The following RIT2 variants were observed in gnomAD, a reference collection of about 807,000 sequenced individuals.
RIT2 encodes Ras like without CAAX 2, also known as GTP-binding protein Rit2.
RIT2 carries 24 observed loss-of-function variants against 23.7 expected under a neutral mutation model. That is an observed-to-expected ratio of 1.01 (90% CI 0.73 to 1.43). RIT2 has a LOEUF of 1.43. Ranked by LOEUF, RIT2 falls within the 40% of genes most tolerant of loss-of-function variation. RIT2 has a pLI of 0.00. For synonymous variants in RIT2, 107 were observed against 91.1 expected (o/e 1.17, Z -0.99); for missense variants, 236 against 266.9 (o/e 0.88, Z 0.81).
In RIT2 at chr18:42,759,712, TACACACACACACACAC is replaced by T. The variant is rs59733922; in HGVS notation, c.427-16008_427-15993del. On this transcript the variant is annotated intron_variant, in intron 4 of 4. Transcript: ENST00000326695. ...GCTGGGGCTCTCACTGTGTTAAATCTACACACACACACACACACACACACACACACACACACACACA... is the reference window on the plus strand; with the variant it reads ...GCTGGGGCTCTCACTGTGTTAAATCTACACACACACACACACACACACACA... Among the ~76,000 whole-genome samples, 1,090 of 131,662 alleles carry T rather than the reference TACACACACACACACAC, an allele frequency of 8.3e-3. 9 individuals are homozygous for T. Among genetic ancestry groups the T allele is most frequent in the African/African-American group, 0.029 (996 of 34,394 alleles). The allele number at this position is 131,662 out of a possible 152,430, so 86.4% of individuals were successfully genotyped here.
chr18:42,864,431 T>C (rs994828369), intron 4 of RIT2, among the ~76,000 whole-genome samples: 1 of 152,192 alleles, frequency 6.6e-6, no homozygotes, highest in Non-Finnish European at 1.5e-5. Context: ...TGGGTTTCTA[T>C]TGCATACTCT....
intron 1 of RIT2, among the ~76,000 whole-genome samples, chr18:43,051,963 T>C (rs1476637850): frequency 1.3e-5 from 2 of 152,120 alleles, no homozygotes; most frequent in East Asian, 3.9e-4. Flanking sequence ...TTTTTGATTA[T>C]CACAAGCCTG....
intron 2 of RIT2, among the ~76,000 whole-genome samples, chr18:43,023,778 A>G (rs976518985): frequency 6.6e-6 from 1 of 152,124 alleles, no homozygotes; most frequent in African/African-American, 2.4e-5. Flanking sequence ...ATAAGAAGGT[A>G]AAATGTGCTT....
chr18:42,820,601 T>A (rs1267739698), intron 4 of RIT2, among the ~76,000 whole-genome samples: 1 of 152,142 alleles, frequency 6.6e-6, no homozygotes, highest in Non-Finnish European at 1.5e-5. Context: ...CACCTTGGTT[T>A]GCCTTCGCCC....
At chr18:42,894,353 T>C (rs1908264690) in intron 4 of RIT2, among the ~76,000 whole-genome samples, 1 of 152,156 alleles carries the variant, frequency 6.6e-6, no homozygotes, top group African/African-American at 2.4e-5. Flanking sequence ...ACACAAAACA[T>C]TTCAAGCATC....
At chr18:43,000,811 A>G (rs1199800006) in intron 2 of RIT2, among the ~76,000 whole-genome samples, 1 of 151,980 alleles carries the variant, frequency 6.6e-6, no homozygotes, top group Non-Finnish European at 1.5e-5. Flanking sequence ...ACTGTGAGTC[A>G]ATTAAGCCTT....
intron 1 of RIT2, among the ~76,000 whole-genome samples, chr18:43,088,813 A>G (rs773989233): frequency 1.3e-5 from 2 of 152,044 alleles, no homozygotes; most frequent in African/African-American, 4.8e-5. Flanking sequence ...GAACATATCT[A>G]TGTTCAATGT....
chr18:43,011,024 G>A (rs983228320), intron 2 of RIT2, among the ~76,000 whole-genome samples: 3 of 151,652 alleles, frequency 2.0e-5, no homozygotes, highest in African/African-American at 4.8e-5. Context: ...AAAAGATAAC[G>A]GTTAATGATA....
In RIT2 at chr18:43,089,589, A is replaced by T. The variant is rs201375298; in HGVS notation, c.103+25828T>A. On this transcript the variant is annotated intron_variant, in intron 1 of 4. Coordinates refer to ENST00000326695, the MANE Select transcript of RIT2 (RefSeq NM_002930.4). ...CCAAGACAATCCTAAGCAAAAAAAA[A>T]TAAAAAAAAAAATAAAGCTGGAGGT... is the stretch of plus-strand genomic sequence containing the variant. Among the ~76,000 whole-genome samples, 472 of 141,318 alleles carry T rather than the reference A, an allele frequency of 3.3e-3. 2 individuals are homozygous for T. Among genetic ancestry groups the T allele is most frequent in the Admixed American group, 6.0e-3 (85 of 14,050 alleles). 92.7% of individuals were successfully genotyped at this position (141,318 alleles called of 152,430 possible).
At chr18:42,983,625 A>G (rs535770738) in intron 2 of RIT2, among the ~76,000 whole-genome samples, 5 of 152,082 alleles carry the variant, frequency 3.3e-5, no homozygotes, top group Non-Finnish European at 5.9e-5. Flanking sequence ...CATGTTTAAC[A>G]TATATAAATA....
chr18:43,012,986 T>C (rs970369369), intron 2 of RIT2, among the ~76,000 whole-genome samples: 7 of 151,818 alleles, frequency 4.6e-5, no homozygotes. Flanking sequence ...TAGTAAGCCA[T>C]ATAAAAGGGA....
chr18:43,094,050 A>G (rs1913487053), intron 1 of RIT2, among the ~76,000 whole-genome samples: 2 of 151,776 alleles, frequency 1.3e-5, no homozygotes, highest in African/African-American at 4.8e-5. Context: ...CTTTTAGTAA[A>G]TATTTAAAAA....
chr18:43,072,186 A>G (rs914508738), intron 1 of RIT2, among the ~76,000 whole-genome samples: 6 of 151,940 alleles, frequency 3.9e-5, no homozygotes, highest in Admixed American at 1.3e-4. Context: ...GGGTTTTACC[A>G]TGTTGGCGAG....
chr18:42,814,820 T>C (rs1308016810), intron 4 of RIT2, among the ~76,000 whole-genome samples: 1 of 151,994 alleles, frequency 6.6e-6, no homozygotes, highest in African/African-American at 2.4e-5. Flanking sequence ...TCCATTCTCC[T>C]CTCCCGCCGC....
intron 2 of RIT2, among the ~76,000 whole-genome samples, chr18:42,999,033 T>C (rs1201951413): frequency 6.6e-6 from 1 of 152,064 alleles, no homozygotes; most frequent in Non-Finnish European, 1.5e-5. Flanking sequence ...GTGAAGGCTT[T>C]TTATAACTAA....
intron 4 of RIT2, among the ~76,000 whole-genome samples, chr18:42,869,688 C>T (rs73471630): frequency 0.025 from 3,875 of 152,192 alleles, 164 homozygotes; most frequent in African/African-American, 0.086. Flanking sequence ...ATGGTTGTTT[C>T]GGATATAGCC....
intron 1 of RIT2, among the ~76,000 whole-genome samples, chr18:43,063,826 G>A (rs1912708578): frequency 1.3e-5 from 2 of 152,172 alleles, no homozygotes; most frequent in Non-Finnish European, 2.9e-5. Flanking sequence ...AAAGTGGGCT[G>A]TGGGAATGAT....
rs1273374915 is a variant in RIT2 at position 42,892,658 on chromosome 18, G to T, written c.426+30914C>A. Among the ~76,000 whole-genome samples, 5 of 152,136 alleles carry T rather than the reference G, an allele frequency of 3.3e-5. No homozygotes were observed. In the South Asian group the frequency reaches 6.2e-4, roughly 19 times the overall value. ...CATTTGACAAATAAAGCAGCTTTAG[G>T]ATCATGTACATAAAACATGTGTTAG... On this transcript the variant is annotated intron_variant, in intron 4 of 4. Coordinates refer to ENST00000326695, the MANE Select transcript of RIT2 (RefSeq NM_002930.4).
chr18:43,114,957 C>A (rs80295767), intron 1 of RIT2, among the ~76,000 whole-genome samples: 4,539 of 152,220 alleles, frequency 0.03, 98 homozygotes, highest in Admixed American at 0.046. Flanking sequence ...GGAAAAAGAA[C>A]CTCCTAATGA....
Sources: gnomAD v4.1 joint callset for allele counts (sites outside exome capture counted in the v4.1 genomes callset) on GRCh38, gnomAD v4.1.1 for gene constraint, MANE v1.5 for transcripts, NCBI Gene and HGNC (gene_info 2026-07-23, HGNC 2026-07-21) for gene names.